VPS53: variants seen among roughly 807,000 people sequenced by gnomAD.
The protein encoded by VPS53 is VPS53 subunit of GARP complex, also known as vacuolar protein sorting-associated protein 53 homolog.
Under a neutral mutation model 107.0 loss-of-function variants are expected in VPS53, and 70 were observed. The ratio of observed to expected loss-of-function variants is 0.65; its 90% CI spans 0.54 to 0.80. The LOEUF is 0.80. Ranked by LOEUF, VPS53 falls within the 30% of genes least tolerant of loss-of-function variation. The pLI, the probability that VPS53 is intolerant of heterozygous loss-of-function variation, is 0.00. For synonymous variants in VPS53, 409 were observed against 393.3 expected (o/e 1.04, Z -0.47); for missense variants, 917 against 1,049.4 (o/e 0.87, Z 1.74).
At chr17:613,341 T>C (rs1411427773) in intron 11 of VPS53, among the ~76,000 whole-genome samples, 2 of 147,862 alleles carry the variant, frequency 1.4e-5, no homozygotes, top group African/African-American at 5.0e-5. Context: ...AATATTCACA[T>C]AGTGAGTTCA....
chr17:594,601 G>T (rs1967859560), intron 12 of VPS53, among the ~76,000 whole-genome samples: 1 of 150,710 alleles, frequency 6.6e-6, no homozygotes, highest in African/African-American at 2.5e-5. Flanking sequence ...GCACTCTAGT[G>T]CCCCGCCCTG....
rs898227677 is a variant in VPS53, at chr17:512,319, T to C, written c.*6809A>G. On this transcript the variant is annotated 3_prime_UTR_variant, in exon 22 of 22. Transcript: ENST00000437048. ...TGACCTTCACAGCCAATATTCATTA[T>C]AATCCCCTCTCACCAATATTGAAAA... is the stretch of plus-strand genomic sequence containing the variant. The C allele has an allele frequency of 3.3e-5, 5 of 152,238 alleles. No individual in the cohort carries two copies. The highest frequency in any genetic ancestry group is 7.2e-5 in the African/African-American group (3 of 41,466). 9.4% of individuals were successfully genotyped at this position (152,238 alleles called of 1,614,324 possible).
At chr17:683,754 C>T (rs1972486344) in intron 4 of VPS53, among the ~76,000 whole-genome samples, 1 of 152,230 alleles carries the variant, frequency 6.6e-6, no homozygotes, top group Non-Finnish European at 1.5e-5. Flanking sequence ...CCTCCGGCTA[C>T]TCAGGAGGCT....
Position 519,024 on chromosome 17 carries a change from A to G in VPS53, c.*104T>C. On this transcript the variant is annotated 3_prime_UTR_variant, in exon 22 of 22. Transcript: ENST00000437048. The surrounding 1 kb of genome is among the most constrained non-coding windows in gnomAD (Gnocchi z 5.0). Reference sequence around the variant, plus strand: ...AACCCACATGTCCCAGGAAGTTTGAAGACCGACGATGTGAGAGTGCCGGGG... The same window carrying G: ...AACCCACATGTCCCAGGAAGTTTGAGGACCGACGATGTGAGAGTGCCGGGG... 1 of 1,285,884 alleles carries G rather than the reference A, an allele frequency of 7.8e-7. No individual in the cohort carries two copies. Among genetic ancestry groups the G allele is most frequent in the South Asian group, 1.7e-5 (1 of 60,508 alleles). The allele number at this position is 1,285,884 out of a possible 1,614,324, so 79.7% of individuals were successfully genotyped here. A position where few individuals can be genotyped will look rare whatever the true frequency, so the allele number is the denominator to read the frequency against.
intron 19 of VPS53, among the ~76,000 whole-genome samples, chr17:526,767 C>G (rs913644435): frequency 3.9e-5 from 6 of 152,204 alleles, no homozygotes; most frequent in Non-Finnish European, 7.3e-5. Context: ...GAAGGCTGAT[C>G]ACCCAGCAAT....
At chr17:535,304 G>A (rs1909952325) in intron 18 of VPS53, among the ~76,000 whole-genome samples, 1 of 152,254 alleles carries the variant, frequency 6.6e-6, no homozygotes. Context: ...TGAGGCTGAT[G>A]CTGGGAGATG....
intron 5 of VPS53, among the ~76,000 whole-genome samples, chr17:657,794 C>T (rs184293707): frequency 1.3e-5 from 2 of 152,278 alleles, no homozygotes; most frequent in African/African-American, 4.8e-5. Flanking sequence ...TGGATAGATA[C>T]ATCCTCATTA....
chr17:525,029 C>T (rs1017101553), intron 19 of VPS53, among the ~76,000 whole-genome samples: 2 of 152,198 alleles, frequency 1.3e-5, no homozygotes, highest in Non-Finnish European at 2.9e-5. Context: ...ACAACCTACA[C>T]GTCCATTGAC....
At chr17:655,445 CTCTG>C (rs1234421181) in intron 6 of VPS53, among the ~76,000 whole-genome samples, 2 of 151,620 alleles carry the variant, frequency 1.3e-5, no homozygotes, top group Admixed American at 6.6e-5. Context: ...GCCTGTGTCA[CTCTG>C]TCTGCCTGGA....
chr17:619,519 C>T (rs1597390641), intron 11 of VPS53, among the ~76,000 whole-genome samples: 10 of 134,078 alleles, frequency 7.5e-5, no homozygotes, highest in Admixed American at 1.5e-4. Flanking sequence ...TACAGGCGTG[C>T]ACCACCACAC....
chr17:671,192 C>T, intron 4 of VPS53, among the ~76,000 whole-genome samples: 1 of 151,100 alleles, frequency 6.6e-6, no homozygotes, highest in Non-Finnish European at 1.5e-5. Flanking sequence ...GATTATGCCA[C>T]TGCACTCCAG....
chr17:657,078 T>A, intron 5 of VPS53: 1 of 976,170 alleles, frequency 1.0e-6, no homozygotes, highest in Admixed American at 1.7e-5. Flanking sequence ...ATGAAATCGG[T>A]CATCTTGCCA....
chr17:519,377 T>C lies in VPS53; in HGVS notation c.2329-79A>G. The C allele has an allele frequency of 1.5e-6, 2 of 1,374,204 alleles. No homozygotes were observed. The highest frequency in any genetic ancestry group is 1.6e-5 in the South Asian group (1 of 62,558). 85.1% of individuals were successfully genotyped at this position (1,374,204 alleles called of 1,614,324 possible). A position where few individuals can be genotyped will look rare whatever the true frequency, so the allele number is the denominator to read the frequency against. On this transcript the variant is annotated intron_variant, in intron 21 of 21. Coordinates refer to ENST00000437048, the MANE Select transcript of VPS53 (RefSeq NM_001128159.3). The surrounding 1 kb of genome is among the most constrained non-coding windows in gnomAD (Gnocchi z 5.0). The stretch of plus-strand genomic sequence containing the variant: ...CGGGGGACAGCGCAGTATCTGGATA[T>C]GGGGTCAGCAGAGGCTCTGGAGACA...
intron 4 of VPS53, among the ~76,000 whole-genome samples, chr17:680,586 G>A (rs1384645508): frequency 5.9e-5 from 9 of 152,108 alleles, no homozygotes; most frequent in Admixed American, 3.3e-4. Flanking sequence ...AAAATCCAAC[G>A]TCTATTTTCT....
At chr17:702,024 C>T (rs563915858) in intron 2 of VPS53, among the ~76,000 whole-genome samples, 4 of 152,302 alleles carry the variant, frequency 2.6e-5, no homozygotes, top group South Asian at 4.1e-4. Context: ...GCAGTGCACC[C>T]GGCCCTATAA....
intron 18 of VPS53, among the ~76,000 whole-genome samples, chr17:534,126 C>T (rs1909830263): frequency 6.6e-6 from 1 of 152,212 alleles, no homozygotes; most frequent in Non-Finnish European, 1.5e-5. Flanking sequence ...AGGCGTGAGC[C>T]ACCGCGCCCA....
At chr17:682,452 G>C (rs1972432534) in intron 4 of VPS53, among the ~76,000 whole-genome samples, 1 of 152,182 alleles carries the variant, frequency 6.6e-6, no homozygotes, top group Non-Finnish European at 1.5e-5. Flanking sequence ...CCCCAGGAAA[G>C]ACAGGACAGG....
intron 17 of VPS53, chr17:537,379 A>AGTGAGGT (rs1471204766): frequency 1.7e-6 from 1 of 594,524 alleles, no homozygotes; most frequent in Non-Finnish European, 2.9e-6. Flanking sequence ...CGGACCCGAC[A>AGTGAGGT]GTGAGGTGTG....
chr17:708,163 CG>C (rs1973490799), intron 2 of VPS53, among the ~76,000 whole-genome samples: 1 of 152,254 alleles, frequency 6.6e-6, no homozygotes, highest in Admixed American at 6.5e-5. Flanking sequence ...CAGCTGGGCC[CG>C]GGGCACCACT....
Sources: gnomAD v4.1 joint callset for allele counts (sites outside exome capture counted in the v4.1 genomes callset) on GRCh38, gnomAD v4.1.1 for gene constraint, Gnocchi (gnomAD v3.1) non-coding constraint, MANE v1.5 for transcripts, NCBI Gene and HGNC (gene_info 2026-07-23, HGNC 2026-07-21) for gene names.